MALRD1: variants seen among roughly 807,000 people sequenced by gnomAD.
MALRD1 encodes the protein MAM and LDL receptor class A domain containing 1.
A neutral mutation model predicts 242.1 loss-of-function variants in MALRD1; 247 were observed. The observed-to-expected ratio is 1.02, with a 90% CI of 0.92 to 1.13. MALRD1 has a LOEUF of 1.13. Ranked by LOEUF, MALRD1 falls within the 50% of genes most tolerant of loss-of-function variation. MALRD1 has a pLI of 0.00. For missense variants in MALRD1, 2,989 were observed against 2,533.1 expected, an observed-to-expected ratio of 1.18 and a Z score of -3.86; for synonymous variants, 995 against 866.6, an observed-to-expected ratio of 1.15 and a Z score of -2.60.
chr10:19,303,031 A>G (rs1842018433), intron 21 of MALRD1, among the ~76,000 whole-genome samples: 1 of 151,664 alleles, frequency 6.6e-6, no homozygotes, highest in African/African-American at 2.4e-5. Flanking sequence ...TGAACCCTAA[A>G]GTAACAAAAG....
chr10:19,450,165 C>G, intron 28 of MALRD1, 142 bp from the exon 29 acceptor site: 1 of 725,272 alleles, frequency 1.4e-6, no homozygotes, highest in Non-Finnish European at 2.2e-6. Context: ...GTAAGATCAC[C>G]TTTCACAGAT....
chr10:19,566,912 A>G (rs961324249), intron 32 of MALRD1, among the ~76,000 whole-genome samples: 3 of 152,074 alleles, frequency 2.0e-5, no homozygotes, highest in Admixed American at 2.0e-4. Context: ...AAGTACTAGA[A>G]TCTAGCATGT....
chr10:19,706,265 G>A (rs1473838075), intron 38 of MALRD1, among the ~76,000 whole-genome samples: 1 of 152,076 alleles, frequency 6.6e-6, no homozygotes, highest in African/African-American at 2.4e-5. Context: ...GTAGAGACGT[G>A]GTTAAGGTCT....
chr10:19,217,104 C>A (rs1296647773), intron 18 of MALRD1, among the ~76,000 whole-genome samples: 1 of 152,154 alleles, frequency 6.6e-6, no homozygotes, highest in Non-Finnish European at 1.5e-5. Flanking sequence ...CTCTGTCTGG[C>A]CTTGCTGCTC....
intron 7 of MALRD1, among the ~76,000 whole-genome samples, chr10:19,125,318 C>CTTTCT (rs1491232526): frequency 1.4e-4 from 11 of 80,204 alleles, no homozygotes; most frequent in African/African-American, 3.4e-4. Context: ...TCCTTCCTTC[C>CTTTCT]TTCCTTCTTT....
At chr10:19,693,608 CG>C (rs1833214244) in intron 38 of MALRD1, among the ~76,000 whole-genome samples, 1 of 152,156 alleles carries the variant, frequency 6.6e-6, no homozygotes, top group Non-Finnish European at 1.5e-5. Context: ...CTTCCATGCT[CG>C]TGGATAGGAA....
chr10:19,427,876 A>AT (rs960430348), intron 28 of MALRD1, among the ~76,000 whole-genome samples: 2 of 152,142 alleles, frequency 1.3e-5, no homozygotes, highest in African/African-American at 4.8e-5. Context: ...GAACACAGAG[A>AT]TTTAAGACAT....
chr10:19,078,869 T>A (rs140897405), intron 2 of MALRD1, among the ~76,000 whole-genome samples: 165 of 151,974 alleles, frequency 1.1e-3, no homozygotes, highest in African/African-American at 3.3e-3. Flanking sequence ...TGAACCTTGT[T>A]CACTCTTCAT....
intron 26 of MALRD1, among the ~76,000 whole-genome samples, chr10:19,371,415 T>A (rs1038353063): frequency 6.6e-6 from 1 of 152,210 alleles, no homozygotes; most frequent in Non-Finnish European, 1.5e-5. Context: ...GATTTTATCA[T>A]CATTGAACAT....
rs904123186 is a variant in MALRD1, at chr10:19,066,845, A to G, written c.326A>G (p.Asn109Ser). Residue 109 changes from asparagine (N) to serine (S), a missense_variant, in exon 2 of 40, where the codon AAT becomes AGT. Coordinates refer to ENST00000454679, the MANE Select transcript of MALRD1 (RefSeq NM_001142308.3). ...CTATCACCTCCATTTTATGATCACA[A>G]TGGTGATGTGTCTGGTAAATGCTTT... ...IGLSPPFYDH[N>S]GDVSAHFLSL... 4 of 1,233,480 alleles carry G rather than the reference A, an allele frequency of 3.2e-6. No homozygotes were observed. Among genetic ancestry groups the G allele is most frequent in the African/African-American group, 1.6e-5 (1 of 64,454 alleles). 76.4% of individuals were successfully genotyped at this position (1,233,480 alleles called of 1,614,324 possible).
intron 22 of MALRD1, among the ~76,000 whole-genome samples, chr10:19,324,619 C>A (rs554189551): frequency 3.5e-5 from 5 of 144,634 alleles, no homozygotes; most frequent in African/African-American, 7.8e-5. Context: ...TAAAAAAAAA[C>A]GAGTTGTCCT....
intron 38 of MALRD1, among the ~76,000 whole-genome samples, chr10:19,714,637 T>G (rs1834296085): frequency 6.6e-6 from 1 of 152,070 alleles, no homozygotes; most frequent in South Asian, 2.1e-4. Context: ...ACCCAGCACT[T>G]CCCTGTCCCC....
In MALRD1 at chr10:19,136,634, G is replaced by A; in HGVS notation, c.1264G>A (p.Val422Ile). 4.1e-6 allele frequency: 5 copies of A among 1,231,600 alleles called. No homozygotes were observed. The highest frequency in any genetic ancestry group is 3.0e-6 in the Non-Finnish European group (3 of 987,948). The allele number at this position is 1,231,600 out of a possible 1,614,324, so 76.3% of individuals were successfully genotyped here. ...TTTTATTGCCCTTGATCACCTCTGG[G>A]TCTATGCCTGTGGACAGACCCAATC... The part of the protein sequence containing the change: ...RSFIALDHLW[V>I]YACGQTQSRK... Residue 422 changes from valine (V) to isoleucine (I), a missense_variant, in exon 10 of 40, where the codon GTC (valine) becomes ATC (isoleucine). Val to Ile is a conservative substitution (Grantham distance 29). Transcript: ENST00000454679.
intron 36 of MALRD1, among the ~76,000 whole-genome samples, chr10:19,664,627 G>T (rs1328111068): frequency 5.9e-5 from 9 of 151,866 alleles, no homozygotes; most frequent in Non-Finnish European, 1.5e-5. Context: ...GAAGGAAAAA[G>T]ATGTAACTCC....
chr10:19,281,640 A>G (rs920972513), intron 20 of MALRD1, among the ~76,000 whole-genome samples: 3 of 152,206 alleles, frequency 2.0e-5, no homozygotes, highest in African/African-American at 7.2e-5. Flanking sequence ...CTTGTAAACT[A>G]TACAGATTTT....
chr10:19,673,889 A>T (rs1842032961), intron 36 of MALRD1, among the ~76,000 whole-genome samples: 1 of 151,646 alleles, frequency 6.6e-6, no homozygotes, highest in Non-Finnish European at 1.5e-5. Flanking sequence ...ATATATTTTA[A>T]ATATATATAC....
At chr10:19,161,985 G>A (rs930011858) in intron 12 of MALRD1, among the ~76,000 whole-genome samples, 18 of 152,160 alleles carry the variant, frequency 1.2e-4, no homozygotes, top group African/African-American at 3.6e-4. Context: ...CCGTGATCAC[G>A]CCACTGCACT....
At chr10:19,120,577 C>T (rs778048356) in intron 5 of MALRD1, among the ~76,000 whole-genome samples, 7 of 152,026 alleles carry the variant, frequency 4.6e-5, no homozygotes, top group African/African-American at 9.7e-5. Context: ...ATAGCAGAGT[C>T]GGCAAATCCA....
intron 10 of MALRD1, among the ~76,000 whole-genome samples, chr10:19,140,632 C>G (rs10826993): frequency 0.34 from 51,742 of 151,130 alleles, 9,224 homozygotes; most frequent in Admixed American, 0.4. Flanking sequence ...AAAAAAACTT[C>G]CTATTTGTGA....
Sources: gnomAD v4.1 joint callset for allele counts (sites outside exome capture counted in the v4.1 genomes callset) on GRCh38, gnomAD v4.1.1 for gene constraint, MANE v1.5 for transcripts, NCBI Gene and HGNC (gene_info 2026-07-23, HGNC 2026-07-21) for gene names.